The following ATP10A variants were observed in gnomAD, a reference collection of about 807,000 sequenced individuals.
ATP10A encodes the protein ATPase phospholipid transporting 10A (putative).
A neutral mutation model predicts 147.8 loss-of-function variants in ATP10A; 111 were observed. The observed-to-expected ratio is 0.75, with a 90% confidence interval of 0.64 to 0.88. The LOEUF (loss-of-function observed/expected upper bound fraction) is 0.88. Ranked by LOEUF, ATP10A falls within the 40% of genes least tolerant of loss-of-function variation. The pLI is 0.00. For synonymous variants in ATP10A, 875 were observed against 841.6 expected, an observed-to-expected ratio of 1.04 and a Z score of -0.69; for missense variants, 1,927 against 1,959.0, an observed-to-expected ratio of 0.98 and a Z score of 0.31.
chr15:25,862,327 G>C (rs748553902), intron 1 of ATP10A: 42 of 558,906 alleles, frequency 7.5e-5, no homozygotes, highest in Admixed American at 2.2e-4. Flanking sequence ...TTCACTTCAG[G>C]TGGGAGCGGC....
intron 2 of ATP10A, among the ~76,000 whole-genome samples, chr15:25,745,347 C>T (rs569106833): frequency 6.0e-5 from 9 of 149,872 alleles, no homozygotes; most frequent in Admixed American, 2.7e-4. Context: ...AGCAAGAATC[C>T]GTCTCAAAAA....
intron 2 of ATP10A, among the ~76,000 whole-genome samples, chr15:25,749,480 T>C (rs1246379696): frequency 6.6e-6 from 1 of 152,164 alleles, no homozygotes; most frequent in Non-Finnish European, 1.5e-5. Context: ...TGGAGAACAA[T>C]TAACTCTAGA....
At chr15:25,674,105 C>G (rs572054073), downstream of ATP10A, among the ~76,000 whole-genome samples, 2 of 152,338 alleles carry the variant, frequency 1.3e-5, no homozygotes, top group East Asian at 3.9e-4. Flanking sequence ...CTGGGACGCT[C>G]TCCATCAAAG....
At chr15:25,793,919 C>T (rs1469634447) in intron 1 of ATP10A, among the ~76,000 whole-genome samples, 1 of 152,220 alleles carries the variant, frequency 6.6e-6, no homozygotes, top group Non-Finnish European at 1.5e-5. Context: ...CGATGCCCCA[C>T]CAGTGCTGTC....
chr15:25,857,301 G>A (rs749201945), intron 1 of ATP10A, among the ~76,000 whole-genome samples: 1 of 152,104 alleles, frequency 6.6e-6, no homozygotes, highest in Non-Finnish European at 1.5e-5. Flanking sequence ...AGAAAAATTA[G>A]CCAGGTGTGG....
chr15:25,795,964 T>A (rs1890653737), intron 1 of ATP10A, among the ~76,000 whole-genome samples: 2 of 152,000 alleles, frequency 1.3e-5, no homozygotes, highest in South Asian at 2.1e-4. Flanking sequence ...TCTGCTCGCC[T>A]CTCCCTTCCC....
chr15:25,824,243 A>G (rs1301656784), intron 1 of ATP10A, among the ~76,000 whole-genome samples: 1 of 152,106 alleles, frequency 6.6e-6, no homozygotes, highest in Non-Finnish European at 1.5e-5. Flanking sequence ...TTCAGAGGCC[A>G]TGGCAGGAGG....
At chr15:25,703,638 G>A (rs148899899) in intron 12 of ATP10A, among the ~76,000 whole-genome samples, 215 of 152,292 alleles carry the variant, frequency 1.4e-3, no homozygotes, top group African/African-American at 4.8e-3. Context: ...CATGGGGAGG[G>A]GAAGGTAGAA....
intron 7 of ATP10A, among the ~76,000 whole-genome samples, chr15:25,721,368 C>A (rs1405277665): frequency 1.3e-5 from 2 of 152,182 alleles, no homozygotes; most frequent in Non-Finnish European, 2.9e-5. Flanking sequence ...GGAGTGAGCT[C>A]CTTGCGGGTG....
chr15:25,788,497 G>T (rs1220431963), intron 1 of ATP10A, among the ~76,000 whole-genome samples: 1 of 152,242 alleles, frequency 6.6e-6, no homozygotes, highest in African/African-American at 2.4e-5. Flanking sequence ...ACTGTCAACA[G>T]TGACTGTTCA....
chr15:25,682,531 C>T (rs540243868), intron 17 of ATP10A, among the ~76,000 whole-genome samples: 2 of 152,146 alleles, frequency 1.3e-5, no homozygotes, highest in Non-Finnish European at 2.9e-5. Flanking sequence ...ACACTCCCAG[C>T]GTCTTTGTCC....
At chr15:25,680,689 G>T in intron 19 of ATP10A, 121 bp downstream of exon 19, 2 of 919,186 alleles carry the variant, frequency 2.2e-6, no homozygotes, top group Non-Finnish European at 3.5e-6. Flanking sequence ...TCACACTGAG[G>T]TCAGCTTTGC....
At chr15:25,762,316 A>G (rs1375423262) in intron 2 of ATP10A, among the ~76,000 whole-genome samples, 2 of 152,168 alleles carry the variant, frequency 1.3e-5, no homozygotes, top group Non-Finnish European at 2.9e-5. Context: ...CTGAGAGTAG[A>G]CTAATACAGG....
rs543242754 is a variant in ATP10A, at chr15:25,860,063, G to T, written c.449+2585C>A. ...TTCTCTGCAGTCAACCAAACGCACT[G>T]CACAGACCTTGGCCTGACACAGAAG... is the stretch of plus-strand genomic sequence containing the variant. On this transcript the variant is annotated intron_variant, in intron 1 of 20. Transcript: ENST00000555815. Among the ~76,000 whole-genome samples, 153 of 152,272 alleles carry T rather than the reference G, an allele frequency of 1.0e-3. 1 individual carries two copies. Among genetic ancestry groups the T allele is most frequent in the African/African-American group, 3.6e-3 (150 of 41,566 alleles).
intron 1 of ATP10A, among the ~76,000 whole-genome samples, chr15:25,802,748 CACTT>C (rs1036281964): frequency 6.6e-6 from 1 of 152,162 alleles, no homozygotes; most frequent in African/African-American, 2.4e-5. Flanking sequence ...CCTCATCTGA[CACTT>C]TCTTCCACCT....
At chr15:25,860,761 T>C (rs1232217642) in intron 1 of ATP10A, among the ~76,000 whole-genome samples, 1 of 152,190 alleles carries the variant, frequency 6.6e-6, no homozygotes, top group African/African-American at 2.4e-5. Flanking sequence ...AGAATAGCTT[T>C]TAGATCCCAA....
At position 25,684,150 on chromosome 15, in the gene ATP10A, G is replaced by A. The variant is rs1233360380; in HGVS notation, c.3292-664C>T. The A allele has an allele frequency of 2.0e-5, 3 of 152,294 alleles. No homozygotes were observed. The East Asian group carries it at 5.8e-4, about 29-fold the overall frequency. 9.4% of individuals were successfully genotyped at this position (152,294 alleles called of 1,614,324 possible). ...ATAGCTACAGCTACCCAGCTCAGCA[G>A]AACAGGAAAGTGAGATTCAGGGAGG... On this transcript the variant is annotated intron_variant, in intron 16 of 20. Coordinates refer to ENST00000555815, the MANE Select transcript of ATP10A (RefSeq NM_024490.4).
At chr15:25,781,407 A>G (rs1164780985) in intron 1 of ATP10A, among the ~76,000 whole-genome samples, 184 bp from the exon 2 acceptor site, 1 of 152,216 alleles carries the variant, frequency 6.6e-6, no homozygotes, top group Non-Finnish European at 1.5e-5. Flanking sequence ...CTGTAATCCC[A>G]GCACTTTGAG....
At chr15:25,775,936 G>A (rs897569576) in intron 2 of ATP10A, among the ~76,000 whole-genome samples, 4 of 152,246 alleles carry the variant, frequency 2.6e-5, no homozygotes, top group African/African-American at 4.8e-5. Flanking sequence ...CTGCTTTCTC[G>A]TCTACAGTTA....
Sources: allele counts gnomAD v4.1 joint callset (sites outside exome capture counted in the v4.1 genomes callset), GRCh38; gene constraint gnomAD v4.1.1; transcripts MANE v1.5; gene names NCBI Gene and HGNC (gene_info 2026-07-23, HGNC 2026-07-21).